The following HDAC9 variants were observed in gnomAD, a reference collection of about 807,000 sequenced individuals.
HDAC9 encodes the protein histone deacetylase 9.
In HDAC9, 41 loss-of-function variants were observed where a neutral mutation model predicts 139.4. The observed-to-expected ratio is 0.29, with a 90% confidence interval of 0.23 to 0.38. The LOEUF is 0.38. HDAC9 is among the 10% of genes least tolerant of loss of function. HDAC9 has a pLI of 1.00. For synonymous variants in HDAC9, 517 were observed against 476.2 expected (o/e 1.09, Z -1.12); for missense variants, 1,147 against 1,297.0 (o/e 0.88, Z 1.78).
At chr7:18,833,258 A>G (rs1467058802) in intron 19 of HDAC9, among the ~76,000 whole-genome samples, 1 of 152,234 alleles carries the variant, frequency 6.6e-6, no homozygotes, top group Non-Finnish European at 1.5e-5. Flanking sequence ...ATGCACTAGT[A>G]AGTACCCAAC....
chr7:18,605,047 G>T (rs1835073001), intron 6 of HDAC9, among the ~76,000 whole-genome samples: 1 of 152,084 alleles, frequency 6.6e-6, no homozygotes, highest in Admixed American at 6.6e-5. Flanking sequence ...TGTTAATCTG[G>T]CTGGGGCTGG....
chr7:18,496,687 A>T (rs961887718), intron 2 of HDAC9: 3 of 181,774 alleles, frequency 1.7e-5, no homozygotes, highest in Non-Finnish European at 3.4e-5. Flanking sequence ...AGGTAAGTTC[A>T]TATTGGGGCT....
intron 22 of HDAC9, among the ~76,000 whole-genome samples, chr7:18,919,839 C>G (rs1803530204): frequency 6.6e-6 from 1 of 152,142 alleles, no homozygotes; most frequent in South Asian, 2.1e-4. Context: ...AGGCTCTCTT[C>G]TGTTCCATGG....
At chr7:18,991,729 C>G (rs1341074513) in intron 25 of HDAC9, among the ~76,000 whole-genome samples, 1 of 151,998 alleles carries the variant, frequency 6.6e-6, no homozygotes, top group Non-Finnish European at 1.5e-5. Flanking sequence ...CTGTCTTTTA[C>G]TTTAGCTTTT....
Position 18,829,484 on chromosome 7 carries a change from T to C in HDAC9, c.2402T>C (p.Val801Ala). 6.2e-7 allele frequency: 1 copy of C among 1,612,304 alleles called. No individual in the cohort carries two copies. Among genetic ancestry groups the C allele is most frequent in the Non-Finnish European group, 8.5e-7 (1 of 1,178,454 alleles). Residue 801 changes from valine to alanine, a missense_variant, in exon 19 of 26, where the codon GTT becomes GCT. By Grantham distance (64) the Val-to-Ala change is moderately conservative. Around this residue, in one of 7 missense-constraint regions of HDAC9, gnomAD observed 407 missense variants for 521.5 expected, o/e 0.78. Transcript: ENST00000686413. ...TAMGFCFFNS[V>A]AITAKYLRDQ... ...AGGGGGTTCTGCTTTTTTAATTCAG[T>C]TGCAATTACCGCCAAATACTTGAGA... is the stretch of plus-strand genomic sequence containing the variant.
At chr7:18,813,310 C>G (rs1032527836) in intron 17 of HDAC9, among the ~76,000 whole-genome samples, 1 of 152,018 alleles carries the variant, frequency 6.6e-6, no homozygotes, top group Non-Finnish European at 1.5e-5. Context: ...TGAAGTTATT[C>G]AATTATTTAA....
chr7:18,123,477 C>T (rs776352733), intron 1 of HDAC9, among the ~76,000 whole-genome samples: 3 of 152,122 alleles, frequency 2.0e-5, no homozygotes, highest in Non-Finnish European at 4.4e-5. Context: ...TAAACCATAT[C>T]GTACAATTTC....
chr7:18,939,553 A>AT (rs540360497), intron 23 of HDAC9, among the ~76,000 whole-genome samples: 346 of 152,154 alleles, frequency 2.3e-3, no homozygotes, highest in African/African-American at 8.0e-3. Flanking sequence ...GGTTTTCTGT[A>AT]TTTTTTTCCA....
In HDAC9 at chr7:18,547,857, T is replaced by TTCCTTCCCTCCC. The variant is rs1563229989; in HGVS notation, c.23-37424_23-37423insTCCTTCCCTCCC. Among the ~76,000 whole-genome samples, 204 of 118,496 alleles carry TTCCTTCCCTCCC rather than the reference T, an allele frequency of 1.7e-3. 9 individuals are homozygous for TTCCTTCCCTCCC. The highest frequency in any genetic ancestry group is 7.6e-3 in the African/African-American group (193 of 25,402). The allele number at this position is 118,496 out of a possible 152,430, so 77.7% of individuals were successfully genotyped here. A position where few individuals can be genotyped will look rare whatever the true frequency, so the allele number is the denominator to read the frequency against. ...CTTCCTTCCTTCCTTCCTTCCTTCCTACCCTCCCTCCCTCCCTCCCTCCCT... is the reference window on the plus strand; with the variant it reads ...CTTCCTTCCTTCCTTCCTTCCTTCCTTCCTTCCCTCCCACCCTCCCTCCCTCCCTCCCTCCCT... On this transcript the variant is annotated intron_variant, in intron 2 of 25. Transcript: ENST00000686413.
At chr7:18,700,462 G>A (rs1258470519) in intron 12 of HDAC9, among the ~76,000 whole-genome samples, 1 of 152,176 alleles carries the variant, frequency 6.6e-6, no homozygotes, top group Non-Finnish European at 1.5e-5. Context: ...ATACGCTTGG[G>A]AGTGGGGCTA....
intron 2 of HDAC9, among the ~76,000 whole-genome samples, chr7:18,164,804 G>C (rs1469547247): frequency 6.6e-6 from 1 of 152,184 alleles, no homozygotes; most frequent in Admixed American, 6.5e-5. Flanking sequence ...TCTGTTCAAA[G>C]TTAGAGCCTT....
At chr7:18,154,347 C>A (rs1584359685) in intron 1 of HDAC9, among the ~76,000 whole-genome samples, 1 of 152,196 alleles carries the variant, frequency 6.6e-6, no homozygotes, top group African/African-American at 2.4e-5. Context: ...AATTAGATAC[C>A]TGCTGTAACC....
At chr7:18,514,619 C>G (rs1802586608) in intron 2 of HDAC9, among the ~76,000 whole-genome samples, 2 of 152,212 alleles carry the variant, frequency 1.3e-5, no homozygotes, top group East Asian at 1.9e-4. Flanking sequence ...TTCCAGCTAT[C>G]TTTTTTCCCC....
At chr7:18,221,157 C>T (rs951205008) in intron 2 of HDAC9, among the ~76,000 whole-genome samples, 1 of 145,194 alleles carries the variant, frequency 6.9e-6, no homozygotes, top group Non-Finnish European at 1.5e-5. Flanking sequence ...GGCTGGAGTA[C>T]AGTGGTGCAA....
chr7:18,733,874 A>G (rs922341041), intron 13 of HDAC9, among the ~76,000 whole-genome samples: 1 of 152,070 alleles, frequency 6.6e-6, no homozygotes, highest in African/African-American at 2.4e-5. Context: ...GGCCAACCTG[A>G]TATGCGTTTC....
chr7:18,227,966 G>A (rs768439967), intron 2 of HDAC9, among the ~76,000 whole-genome samples: 1 of 152,036 alleles, frequency 6.6e-6, no homozygotes, highest in African/African-American at 2.4e-5. Flanking sequence ...TAAGTCTCAT[G>A]GCAATCTTCT....
intron 2 of HDAC9, among the ~76,000 whole-genome samples, chr7:18,171,868 T>C (rs1240378011): frequency 6.6e-6 from 1 of 152,192 alleles, no homozygotes; most frequent in African/African-American, 2.4e-5. Flanking sequence ...TTGAGGACTT[T>C]TGCATCGATG....
At chr7:18,584,982 A>ATAAG (rs1350574147) in intron 2 of HDAC9, among the ~76,000 whole-genome samples, 4 of 152,084 alleles carry the variant, frequency 2.6e-5, no homozygotes, top group Admixed American at 2.6e-4. Context: ...GTTCAGTAGA[A>ATAAG]TAAGTTTTAT....
At chr7:18,149,653 C>G (rs946649203) in intron 1 of HDAC9, among the ~76,000 whole-genome samples, 4 of 152,010 alleles carry the variant, frequency 2.6e-5, no homozygotes, top group African/African-American at 9.7e-5. Context: ...CGGGTTCACG[C>G]CATTCTCCCG....
Sources: allele counts gnomAD v4.1 joint callset (sites outside exome capture counted in the v4.1 genomes callset), GRCh38; gene constraint gnomAD v4.1.1; regional missense constraint gnomAD v4.1.1; transcripts MANE v1.5; gene names NCBI Gene and HGNC (gene_info 2026-07-23, HGNC 2026-07-21).